Variants in MAD1L1 observed in about 807,000 individuals in gnomAD.
MAD1L1 encodes mitotic arrest deficient 1 like 1.
MAD1L1 carries 95 observed loss-of-function variants against 96.9 expected under a neutral mutation model. The ratio of observed to expected loss-of-function variants is 0.98; its 90% confidence interval spans 0.83 to 1.16. MAD1L1 has a LOEUF of 1.16. MAD1L1 is among the 50% of genes most tolerant of loss of function. The pLI, the probability that MAD1L1 is intolerant of heterozygous loss-of-function variation, is 0.00. For missense variants in MAD1L1, 1,007 were observed against 954.4 expected (o/e 1.06, Z -0.73); for synonymous variants, 473 against 396.6 (o/e 1.19, Z -2.29).
intron 3 of MAD1L1, among the ~76,000 whole-genome samples, chr7:2,227,913 G>T (rs1426702910): frequency 1.3e-5 from 2 of 152,180 alleles, no homozygotes; most frequent in African/African-American, 4.8e-5. Flanking sequence ...AAGGAACCCT[G>T]AAAGTTTACC....
chr7:2,087,757 A>C (rs1785996950), intron 11 of MAD1L1, among the ~76,000 whole-genome samples: 4 of 152,210 alleles, frequency 2.6e-5, no homozygotes, highest in Non-Finnish European at 5.9e-5. Flanking sequence ...TCCCATGGCC[A>C]GGAGCAGGGA....
intron 12 of MAD1L1, among the ~76,000 whole-genome samples, chr7:2,056,208 T>C (rs1454823384): frequency 2.0e-5 from 3 of 152,232 alleles, no homozygotes. Context: ...CAGCAGGTAC[T>C]GGGTGTTATA....
At chr7:1,838,776 C>G (rs1783072088) in intron 18 of MAD1L1, 1 of 471,122 alleles carries the variant, frequency 2.1e-6, no homozygotes, top group Non-Finnish European at 4.4e-6. Context: ...ACATCTCAAT[C>G]AAGCTGCTTC....
chr7:2,154,242 G>C (rs569946531), intron 10 of MAD1L1, among the ~76,000 whole-genome samples: 117 of 152,342 alleles, frequency 7.7e-4, no homozygotes, highest in Non-Finnish European at 1.5e-3. Flanking sequence ...ACCAGGAACA[G>C]AAAGAAACTG....
At chr7:2,210,566 G>A (rs554750860) in intron 10 of MAD1L1, among the ~76,000 whole-genome samples, 8 of 145,466 alleles carry the variant, frequency 5.5e-5, no homozygotes, top group East Asian at 3.9e-4. Flanking sequence ...ATTCGGGACC[G>A]CCAGCCCGCA....
At chr7:2,050,746 T>C (rs557790778) in intron 12 of MAD1L1, among the ~76,000 whole-genome samples, 1 of 146,132 alleles carries the variant, frequency 6.8e-6, no homozygotes, top group Non-Finnish European at 1.5e-5. Context: ...CGAGGGCGGC[T>C]CAGTCCTCAG....
At chr7:2,095,902 G>A (rs774187118) in intron 11 of MAD1L1, among the ~76,000 whole-genome samples, 1 of 152,208 alleles carries the variant, frequency 6.6e-6, no homozygotes, top group Non-Finnish European at 1.5e-5. Context: ...GGAGAGAGGC[G>A]AGGTGTCTCC....
intron 14 of MAD1L1, among the ~76,000 whole-genome samples, chr7:1,995,654 C>A (rs1781522520): frequency 6.6e-6 from 1 of 152,228 alleles, no homozygotes; most frequent in Admixed American, 6.5e-5. Flanking sequence ...GCCCCAGACA[C>A]ATCCCTGGCC....
At chr7:1,917,181 A>G (rs1426363340) in intron 17 of MAD1L1, among the ~76,000 whole-genome samples, 1 of 152,212 alleles carries the variant, frequency 6.6e-6, no homozygotes, top group Non-Finnish European at 1.5e-5. Context: ...CACGGACAGA[A>G]CAGTGTGGGC....
intron 15 of MAD1L1, among the ~76,000 whole-genome samples, chr7:1,971,469 TAAAA>T (rs1780403036): frequency 1.3e-5 from 2 of 152,068 alleles, no homozygotes; most frequent in Non-Finnish European, 2.9e-5. Flanking sequence ...CAAAAACCTA[TAAAA>T]ACATGGGGAA....
At chr7:2,027,037 ATAAC>A (rs1422125082) in intron 12 of MAD1L1, among the ~76,000 whole-genome samples, 24 of 152,302 alleles carry the variant, frequency 1.6e-4, no homozygotes, top group Admixed American at 8.5e-4. Context: ...TGAAAAAGAC[ATAAC>A]TAGAGATCAC....
At chr7:2,043,425 T>G (rs1328280085) in intron 12 of MAD1L1, among the ~76,000 whole-genome samples, 1 of 152,176 alleles carries the variant, frequency 6.6e-6, no homozygotes, top group Non-Finnish European at 1.5e-5. Context: ...TTAATTAACT[T>G]TAATCCTCCA....
At chr7:1,978,609 A>C (rs943214568) in intron 15 of MAD1L1, among the ~76,000 whole-genome samples, 2 of 149,798 alleles carry the variant, frequency 1.3e-5, no homozygotes, top group Admixed American at 6.7e-5. Flanking sequence ...AGCTTCCCCC[A>C]CCCCACACCC....
chr7:2,176,222 C>T (rs1464976432), intron 10 of MAD1L1, among the ~76,000 whole-genome samples: 4 of 152,168 alleles, frequency 2.6e-5, no homozygotes, highest in South Asian at 4.1e-4. Flanking sequence ...GTGGCACATG[C>T]CTGTAATCCC....
chr7:1,945,666 C>T (rs931608769), intron 16 of MAD1L1, among the ~76,000 whole-genome samples: 2 of 152,232 alleles, frequency 1.3e-5, no homozygotes, highest in African/African-American at 4.8e-5. Context: ...TCTGTGAGCC[C>T]TCTTTCATGT....
intron 10 of MAD1L1, among the ~76,000 whole-genome samples, chr7:2,176,401 C>A (rs1790949376): frequency 6.6e-6 from 1 of 152,040 alleles, no homozygotes; most frequent in South Asian, 2.1e-4. Flanking sequence ...TCCCCCAGAT[C>A]AAAAATAAGA....
intron 10 of MAD1L1, among the ~76,000 whole-genome samples, chr7:2,151,810 C>T (rs147363448): frequency 1.7e-4 from 26 of 152,300 alleles, no homozygotes; most frequent in Non-Finnish European, 3.4e-4. Flanking sequence ...TTCTGAAGTG[C>T]TGGGCGCCCA....
chr7:1,960,729 T>C (rs1319944259), intron 15 of MAD1L1, among the ~76,000 whole-genome samples: 4 of 152,176 alleles, frequency 2.6e-5, no homozygotes, highest in Non-Finnish European at 5.9e-5. Context: ...CCTCTCTCAA[T>C]AGCTGATAGA....
At chr7:1,833,821 A>G (rs1782819453) in intron 18 of MAD1L1, among the ~76,000 whole-genome samples, 1 of 152,162 alleles carries the variant, frequency 6.6e-6, no homozygotes, top group Admixed American at 6.5e-5. Context: ...CGTGCCTGTA[A>G]TCCCAGTTAC....
Sources: gnomAD v4.1 joint callset for allele counts (sites outside exome capture counted in the v4.1 genomes callset) on GRCh38, gnomAD v4.1.1 for gene constraint, MANE v1.5 for transcripts, NCBI Gene and HGNC (gene_info 2026-07-23, HGNC 2026-07-21) for gene names.